The following EPHA6 variants were observed in gnomAD, a reference collection of about 807,000 sequenced individuals.
EPHA6 encodes ephrin type-A receptor 6.
In EPHA6, 50 loss-of-function variants were observed where a neutral mutation model predicts 112.0. That is an observed-to-expected ratio of 0.45 (90% CI 0.36 to 0.56). The LOEUF (loss-of-function observed/expected upper bound fraction) is 0.56. Among genes scored for constraint, EPHA6 ranks in the 20% least tolerant of loss-of-function variants. The probability of loss-of-function intolerance (pLI) is 0.00; values close to 1 mark genes in which losing one functional copy is unlikely to be tolerated. For synonymous variants in EPHA6, 529 were observed against 490.7 expected (o/e 1.08, Z -1.03); for missense variants, 1,280 against 1,417.4 (o/e 0.90, Z 1.56).
chr3:97,565,485 G>A lies in EPHA6; in HGVS notation c.2387-27127G>A, dbSNP rs919092087. Among the ~76,000 whole-genome samples the A allele has an allele frequency of 2.6e-5, 4 of 152,114 alleles. No individual in the cohort carries two copies. The East Asian group carries it at 7.7e-4, about 29-fold the overall frequency. On this transcript the variant is annotated intron_variant, in intron 11 of 17. Transcript: ENST00000389672. ...AACTGAATATCAAAATGTACCTTGA[G>A]TGGATTAAATATTAGTATAATAAAA...
intron 5 of EPHA6, among the ~76,000 whole-genome samples, chr3:97,391,837 T>C (rs2086416042): frequency 6.6e-6 from 1 of 151,914 alleles, no homozygotes. Flanking sequence ...GGAACTCTCT[T>C]CTAAAATGCC....
intron 3 of EPHA6, among the ~76,000 whole-genome samples, chr3:97,205,526 G>T (rs1219718082): frequency 6.6e-6 from 1 of 152,004 alleles, no homozygotes. Flanking sequence ...ACCAAACACA[G>T]CTCCAAAGCA....
At chr3:96,956,349 G>C (rs1245224093) in intron 2 of EPHA6, among the ~76,000 whole-genome samples, 1 of 152,190 alleles carries the variant, frequency 6.6e-6, no homozygotes, top group East Asian at 1.9e-4. Context: ...TGCCCAGATA[G>C]CTATGATCCA....
chr3:97,693,444 G>A (rs2032803984), intron 14 of EPHA6, among the ~76,000 whole-genome samples: 1 of 152,118 alleles, frequency 6.6e-6, no homozygotes. Context: ...ATATAATTAG[G>A]ATGATTTCAT....
At chr3:96,896,811 C>A (rs1436770920) in intron 2 of EPHA6, among the ~76,000 whole-genome samples, 2 of 152,166 alleles carry the variant, frequency 1.3e-5, no homozygotes, top group Non-Finnish European at 2.9e-5. Context: ...GGGCCTTTTA[C>A]ATGCCTGTTA....
At chr3:97,462,479 G>T (rs890972613) in intron 7 of EPHA6, among the ~76,000 whole-genome samples, 1 of 152,052 alleles carries the variant, frequency 6.6e-6, no homozygotes, top group African/African-American at 2.4e-5. Flanking sequence ...TTTTCAAATG[G>T]AAATGAGAAG....
At position 97,486,520 on chromosome 3, in the gene EPHA6, C is replaced by T. The variant is rs1226977988; in HGVS notation, c.2200+2461C>T. Among the ~76,000 whole-genome samples, 3 of 152,252 alleles carry T rather than the reference C, an allele frequency of 2.0e-5. No individual in the cohort carries two copies. In the East Asian group the frequency reaches 5.8e-4, roughly 29 times the overall value. On this transcript the variant is annotated intron_variant, in intron 10 of 17. Coordinates refer to ENST00000389672, the MANE Select transcript of EPHA6 (RefSeq NM_001080448.3). ...GGCTGAAGTCAAGATTGAGGGGCCA[C>T]ATCTGCTGAGGGTCTTCCTGCTGCA...
intron 1 of EPHA6, among the ~76,000 whole-genome samples, chr3:96,853,525 A>G (rs1441627069): frequency 6.6e-6 from 1 of 152,036 alleles, no homozygotes; most frequent in Non-Finnish European, 1.5e-5. Flanking sequence ...TATTCTGAAT[A>G]GATAGTGCTT....
chr3:97,446,943 C>T (rs1448212546), intron 6 of EPHA6, among the ~76,000 whole-genome samples: 1 of 152,076 alleles, frequency 6.6e-6, no homozygotes, highest in Non-Finnish European at 1.5e-5. Context: ...ATCTTAAAAT[C>T]ACCTAGAGAT....
At chr3:97,508,303 G>A (rs2092296039) in intron 10 of EPHA6, among the ~76,000 whole-genome samples, 1 of 152,094 alleles carries the variant, frequency 6.6e-6, no homozygotes, top group Admixed American at 6.6e-5. Flanking sequence ...GGCATTTAGT[G>A]CTATAAATTC....
intron 5 of EPHA6, among the ~76,000 whole-genome samples, chr3:97,354,037 C>T (rs577686308): frequency 2.4e-4 from 36 of 152,328 alleles, no homozygotes; most frequent in African/African-American, 7.9e-4. Flanking sequence ...AACACAATGC[C>T]TCTATGAACC....
intron 12 of EPHA6, among the ~76,000 whole-genome samples, chr3:97,594,717 T>A (rs1200514199): frequency 6.6e-5 from 10 of 152,180 alleles, no homozygotes; most frequent in East Asian, 3.8e-4. Flanking sequence ...TTATATTTTT[T>A]AAAAAAACTA....
At chr3:97,378,331 T>C (rs149546182) in intron 5 of EPHA6, among the ~76,000 whole-genome samples, 7 of 152,256 alleles carry the variant, frequency 4.6e-5, no homozygotes, top group African/African-American at 1.7e-4. Flanking sequence ...TAAGAAAATA[T>C]ATGGAAATGC....
intron 13 of EPHA6, among the ~76,000 whole-genome samples, chr3:97,615,355 AT>A (rs1376014077): frequency 6.6e-6 from 1 of 152,140 alleles, no homozygotes; most frequent in Non-Finnish European, 1.5e-5. Context: ...TGGGAGCTTT[AT>A]ATACGTGGGC....
At chr3:97,463,025 T>C (rs2090939166) in intron 7 of EPHA6, among the ~76,000 whole-genome samples, 1 of 152,174 alleles carries the variant, frequency 6.6e-6, no homozygotes, top group South Asian at 2.1e-4. Flanking sequence ...ATTTAAGTTA[T>C]TAATGTCACT....
chr3:97,379,179 G>A (rs1031167146), intron 5 of EPHA6, among the ~76,000 whole-genome samples: 2 of 151,958 alleles, frequency 1.3e-5, no homozygotes, highest in East Asian at 1.9e-4. Context: ...GATGGTTTTC[G>A]CATCTTCCTC....
chr3:96,961,992 A>G (rs939547430), intron 2 of EPHA6, among the ~76,000 whole-genome samples: 1 of 152,176 alleles, frequency 6.6e-6, no homozygotes, highest in African/African-American at 2.4e-5. Flanking sequence ...AGTGGAGCCT[A>G]ATCCTACCAG....
chr3:96,859,160 C>A (rs1021122601), intron 1 of EPHA6, among the ~76,000 whole-genome samples: 3 of 151,814 alleles, frequency 2.0e-5, no homozygotes, highest in Non-Finnish European at 4.4e-5. Context: ...CCCACAAACA[C>A]CCCCCCAACA....
chr3:97,439,324 T>G (rs2090016251), intron 6 of EPHA6, among the ~76,000 whole-genome samples: 1 of 151,818 alleles, frequency 6.6e-6, no homozygotes, highest in Non-Finnish European at 1.5e-5. Context: ...AAAAAGTAGT[T>G]GTGTACATGG....
Sources: gnomAD v4.1 joint callset for allele counts (sites outside exome capture counted in the v4.1 genomes callset) on GRCh38, gnomAD v4.1.1 for gene constraint, MANE v1.5 for transcripts, NCBI Gene and HGNC (gene_info 2026-07-23, HGNC 2026-07-21) for gene names.